The following EIF4G3 variants were observed in gnomAD, a reference collection of about 807,000 sequenced individuals.
EIF4G3 encodes the protein eukaryotic translation initiation factor 4 gamma 3.
Under a neutral mutation model 186.4 loss-of-function variants are expected in EIF4G3, and 34 were observed. That is an observed-to-expected ratio of 0.18 (90% CI 0.14 to 0.24). The LOEUF (loss-of-function observed/expected upper bound fraction) is 0.24. Among genes scored for constraint, EIF4G3 ranks in the 10% least tolerant of loss-of-function variants. The pLI is 1.00. For synonymous variants in EIF4G3, 673 were observed against 679.5 expected, an observed-to-expected ratio of 0.99 and a Z score of 0.15; for missense variants, 1,536 against 1,948.5, an observed-to-expected ratio of 0.79 and a Z score of 3.99.
At chr1:20,814,772 CCTCCCCCTCCCCCTCTCCCT>C (rs2060075761) in intron 34 of EIF4G3, among the ~76,000 whole-genome samples, 3 of 78,252 alleles carry the variant, frequency 3.8e-5, no homozygotes, top group Non-Finnish European at 5.2e-5. Context: ...TCCCCCTCCC[CCTCCCCCTCCCCCTCTCCCT>C]CTCCCCACAG....
At chr1:20,952,865 A>C (rs1298292575) in intron 12 of EIF4G3, among the ~76,000 whole-genome samples, 1 of 151,920 alleles carries the variant, frequency 6.6e-6, no homozygotes, top group Non-Finnish European at 1.5e-5. Flanking sequence ...ACAAGCAAAC[A>C]AACAAACAAA....
At chr1:21,039,519 G>A (rs1021931067) in intron 4 of EIF4G3, among the ~76,000 whole-genome samples, 2 of 152,108 alleles carry the variant, frequency 1.3e-5, no homozygotes, top group African/African-American at 2.4e-5. Context: ...ACTTGTGAGC[G>A]AGGCATGGTG....
rs201184046 is a variant in EIF4G3, at chr1:20,817,285, A to T, written c.4515+107T>A. On this transcript the variant is annotated intron_variant, in intron 34 of 36. Coordinates refer to ENST00000602326, the MANE Select transcript of EIF4G3 (RefSeq NM_001391906.1). ...ATAAAAAAATAAATAAATAAAAAAA[A>T]ATAAAAATAAAAATTCATGAAGTGA... 718 of 385,622 alleles carry T rather than the reference A, an allele frequency of 1.9e-3. 8 individuals are homozygous for T. The African/African-American group carries it at 0.024, about 13-fold the overall frequency. The allele number at this position is 385,622 out of a possible 1,614,324, so 23.9% of individuals were successfully genotyped here.
intron 3 of EIF4G3, among the ~76,000 whole-genome samples, chr1:21,078,886 G>A (rs989956803): frequency 6.6e-5 from 10 of 152,190 alleles, no homozygotes; most frequent in Admixed American, 6.5e-4. Flanking sequence ...TATGGAGGCT[G>A]AGGCAGGAGA....
chr1:20,911,336 G>A (rs562524775), intron 14 of EIF4G3, among the ~76,000 whole-genome samples: 6 of 152,040 alleles, frequency 3.9e-5, no homozygotes, highest in African/African-American at 9.7e-5. Flanking sequence ...TGGAGGCTGA[G>A]GAGGGAAGAC....
chr1:21,152,907 A>G (rs1027964248), intron 2 of EIF4G3, among the ~76,000 whole-genome samples: 4 of 152,222 alleles, frequency 2.6e-5, no homozygotes, highest in African/African-American at 9.6e-5. Flanking sequence ...GGATGGCTTG[A>G]GGCCAGGAGT....
intron 2 of EIF4G3, among the ~76,000 whole-genome samples, chr1:21,118,629 T>C (rs914323137): frequency 1.3e-5 from 2 of 151,670 alleles, no homozygotes; most frequent in African/African-American, 4.8e-5. Flanking sequence ...CTACTAAAAA[T>C]ACAAAAATCA....
chr1:20,943,145 T>G (rs887806062), intron 13 of EIF4G3, among the ~76,000 whole-genome samples: 1 of 152,094 alleles, frequency 6.6e-6, no homozygotes, highest in African/African-American at 2.4e-5. Flanking sequence ...CCTGGGCAAC[T>G]GAACAAGATC....
At chr1:20,863,378 T>TAAAAAAAAAAAAAA (rs3051243) in intron 22 of EIF4G3, among the ~76,000 whole-genome samples, 6 of 102,494 alleles carry the variant, frequency 5.9e-5, no homozygotes, top group South Asian at 2.9e-4. Flanking sequence ...CTACAAAAAG[T>TAAAAAAAAAAAAAA]AAAAAAAAAA....
intron 2 of EIF4G3, among the ~76,000 whole-genome samples, chr1:21,170,527 T>G (rs576490658): frequency 7.3e-5 from 11 of 150,154 alleles, no homozygotes; most frequent in Non-Finnish European, 1.2e-4. Flanking sequence ...AAAAATTAGA[T>G]GGGTGTGATG....
intron 2 of EIF4G3, among the ~76,000 whole-genome samples, chr1:21,166,126 T>TTTTTTTTTTTTTTTTGAGACGGAGTC (rs1553324701): frequency 3.3e-5 from 5 of 149,494 alleles, no homozygotes; most frequent in Admixed American, 6.8e-5. Context: ...TTTTTTCCTT[T>TTTTTTTTTTTTTTTTGAGACGGAGTC]TAAAAATTCA....
chr1:21,104,061 C>T (rs1314858859), intron 2 of EIF4G3, among the ~76,000 whole-genome samples: 2 of 152,092 alleles, frequency 1.3e-5, no homozygotes, highest in Non-Finnish European at 2.9e-5. Flanking sequence ...GCAAAAACAG[C>T]CATAAATTGC....
chr1:21,174,342 A>G (rs2098056803), intron 2 of EIF4G3, among the ~76,000 whole-genome samples: 1 of 152,204 alleles, frequency 6.6e-6, no homozygotes, highest in Non-Finnish European at 1.5e-5. Context: ...ACTGAGAAAA[A>G]GCATACTTGA....
chr1:20,982,238 A>G, intron 8 of EIF4G3, 150 bp downstream of exon 8: 1 of 615,688 alleles, frequency 1.6e-6, no homozygotes, highest in Non-Finnish European at 2.6e-6. Flanking sequence ...ACCTGTAGTT[A>G]TAATTTTCAC....
At chr1:21,095,773 C>T (rs942970092) in intron 2 of EIF4G3, among the ~76,000 whole-genome samples, 1 of 151,944 alleles carries the variant, frequency 6.6e-6, no homozygotes, top group Non-Finnish European at 1.5e-5. Context: ...GAAACATATC[C>T]TGTAAGTTTA....
intron 3 of EIF4G3, chr1:21,073,525 G>C: frequency 8.5e-6 from 3 of 351,158 alleles, no homozygotes; most frequent in Admixed American, 3.1e-5. Context: ...CTTCATCCAT[G>C]AACAGCTGAA....
At chr1:20,955,472 T>G (rs1402768693) in intron 12 of EIF4G3, among the ~76,000 whole-genome samples, 1 of 152,046 alleles carries the variant, frequency 6.6e-6, no homozygotes, top group Non-Finnish European at 1.5e-5. Flanking sequence ...TGGGCTCAAG[T>G]AATCCTCCCG....
intron 9 of EIF4G3, among the ~76,000 whole-genome samples, chr1:20,980,667 A>G (rs750304048): frequency 3.1e-4 from 47 of 152,210 alleles, no homozygotes; most frequent in Non-Finnish European, 6.3e-4. Context: ...TAGTAAAGCC[A>G]TACAACATAT....
intron 14 of EIF4G3, among the ~76,000 whole-genome samples, chr1:20,912,453 G>A (rs1308234470): frequency 1.3e-5 from 2 of 152,100 alleles, no homozygotes; most frequent in African/African-American, 2.4e-5. Context: ...AGCTCCACAT[G>A]CTTTTGGAAT....
Sources: gnomAD v4.1 joint callset for allele counts (sites outside exome capture counted in the v4.1 genomes callset) on GRCh38, gnomAD v4.1.1 for gene constraint, MANE v1.5 for transcripts, NCBI Gene and HGNC (gene_info 2026-07-23, HGNC 2026-07-21) for gene names.